MTHFD2L: variants seen among roughly 807,000 people sequenced by gnomAD.
MTHFD2L encodes the protein methylenetetrahydrofolate dehydrogenase (NADP+ dependent) 2 like.
MTHFD2L carries 29 observed loss-of-function variants against 34.9 expected under a neutral mutation model. That is an observed-to-expected ratio of 0.83 (90% confidence interval 0.62 to 1.13). The LOEUF is 1.13. MTHFD2L is among the 50% of genes most tolerant of loss of function. The pLI is 0.00. For missense variants in MTHFD2L, 481 were observed against 446.5 expected (o/e 1.08, Z -0.70); for synonymous variants, 167 against 155.7 (o/e 1.07, Z -0.54).
intron 6 of MTHFD2L, among the ~76,000 whole-genome samples, chr4:74,254,922 G>A (rs1307853147): frequency 1.3e-5 from 2 of 151,886 alleles, no homozygotes. Flanking sequence ...ATCACCTGAG[G>A]GCAGGAGTTC....
chr4:74,259,991 A>T (rs1235094074), intron 6 of MTHFD2L, among the ~76,000 whole-genome samples: 1 of 152,184 alleles, frequency 6.6e-6, no homozygotes, highest in Non-Finnish European at 1.5e-5. Context: ...CTAGAGGAGT[A>T]TGATGAGCCT....
intron 1 of MTHFD2L, among the ~76,000 whole-genome samples, chr4:74,149,502 G>A (rs1723802571): frequency 6.6e-6 from 1 of 152,196 alleles, no homozygotes; most frequent in African/African-American, 2.4e-5. Context: ...ACTGCATCCA[G>A]CTCAATATCA....
intron 3 of MTHFD2L, among the ~76,000 whole-genome samples, chr4:74,189,418 C>T (rs1732027681): frequency 6.7e-6 from 1 of 150,146 alleles, no homozygotes; most frequent in South Asian, 2.1e-4. Flanking sequence ...AAAGTGAAGA[C>T]CACTCTCTTG....
At chr4:74,281,659 A>C (rs538362767) in intron 7 of MTHFD2L, 109 bp downstream of exon 7, 647 of 1,083,224 alleles carry the variant, frequency 6.0e-4, no homozygotes, top group Non-Finnish European at 7.2e-4. Context: ...CTTATTAATC[A>C]TCACCTCTTT....
intron 1 of MTHFD2L, among the ~76,000 whole-genome samples, chr4:74,169,334 A>G (rs560214609): frequency 6.6e-6 from 1 of 152,314 alleles, no homozygotes; most frequent in Non-Finnish European, 1.5e-5. Context: ...GACAATCTCC[A>G]GGTCACGCAG....
intron 6 of MTHFD2L, among the ~76,000 whole-genome samples, chr4:74,268,771 G>T (rs978023072): frequency 6.6e-6 from 1 of 152,074 alleles, no homozygotes; most frequent in African/African-American, 2.4e-5. Context: ...AAAATATCCA[G>T]TTGCGGCTGT....
chr4:74,158,172 C>T lies in MTHFD2L; in HGVS notation c.34C>T (p.Arg12Cys), dbSNP rs1724552920. Residue 12 changes from arginine to cysteine, a missense_variant, in exon 1 of 8, where the codon CGC becomes TGC. By Grantham distance (180) the Arg-to-Cys change is radical (BLOSUM62 -3). Coordinates refer to ENST00000325278, the MANE Select transcript of MTHFD2L (RefSeq NM_001144978.3). ...TVPVRGFSLL[R>C]GRLGRAPALG... ...GCCGGTCCGCGGCTTCTCGCTGCTCCGCGGCCGCCTTGGCCGAGCGCCGGC... is the reference window on the plus strand; with the variant it reads ...GCCGGTCCGCGGCTTCTCGCTGCTCTGCGGCCGCCTTGGCCGAGCGCCGGC... 1.3e-6 allele frequency: 2 copies of T among 1,528,590 alleles called. No individual in the cohort carries two copies. The highest frequency in any genetic ancestry group is 4.1e-5 in the Admixed American group (2 of 48,928). The allele number at this position is 1,528,590 out of a possible 1,614,324, so 94.7% of individuals were successfully genotyped here. A position where few individuals can be genotyped will look rare whatever the true frequency, so the allele number is the denominator to read the frequency against.
chr4:74,271,064 A>G (rs1462025735), intron 6 of MTHFD2L, among the ~76,000 whole-genome samples: 2 of 152,040 alleles, frequency 1.3e-5, no homozygotes, highest in Non-Finnish European at 2.9e-5. Context: ...GTAGATTCTG[A>G]ATATTAGCCC....
chr4:74,202,182 C>G (rs1320452106), intron 5 of MTHFD2L, among the ~76,000 whole-genome samples: 2 of 152,186 alleles, frequency 1.3e-5, no homozygotes, highest in Non-Finnish European at 2.9e-5. Context: ...GATTAATTGA[C>G]AAAGGCTTGG....
intron 5 of MTHFD2L, among the ~76,000 whole-genome samples, chr4:74,216,335 A>G (rs1274424999): frequency 6.6e-6 from 1 of 151,820 alleles, no homozygotes; most frequent in East Asian, 1.9e-4. Context: ...AGGCTTTAAA[A>G]ATAGAGCTAC....
chr4:74,120,571 T>G (rs1278645845), upstream of MTHFD2L, among the ~76,000 whole-genome samples: 2 of 152,220 alleles, frequency 1.3e-5, no homozygotes, highest in Non-Finnish European at 2.9e-5. Context: ...CACTTCTGAA[T>G]GTAACTCTTC....
intron 5 of MTHFD2L, 27 bp downstream of exon 5, chr4:74,201,397 C>T (rs754751271): frequency 6.7e-7 from 1 of 1,496,704 alleles, no homozygotes; most frequent in South Asian, 1.2e-5. Context: ...AGATTCTACA[C>T]TCTCTCGCAG....
intron 1 of MTHFD2L, among the ~76,000 whole-genome samples, chr4:74,135,680 A>G (rs1251311566): frequency 8.7e-6 from 1 of 114,540 alleles, no homozygotes; most frequent in Non-Finnish European, 1.8e-5. Flanking sequence ...TGATACCAAA[A>G]CCAGACAAGG....
At chr4:74,276,312 G>A (rs139359048) in intron 6 of MTHFD2L, among the ~76,000 whole-genome samples, 54 of 152,192 alleles carry the variant, frequency 3.5e-4, no homozygotes, top group African/African-American at 1.3e-3. Context: ...AAGTTATGTA[G>A]ATGAGGACAG....
intron 6 of MTHFD2L, among the ~76,000 whole-genome samples, chr4:74,259,978 C>G (rs953250076): frequency 3.9e-5 from 6 of 152,116 alleles, no homozygotes; most frequent in African/African-American, 1.4e-4. Flanking sequence ...AAGATAAAGC[C>G]ACCTAGAGGA....
At chr4:74,299,800 ATG>A (rs1174628232) in intron 7 of MTHFD2L, among the ~76,000 whole-genome samples, 1 of 152,040 alleles carries the variant, frequency 6.6e-6, no homozygotes, top group African/African-American at 2.4e-5. Flanking sequence ...CTAGATGCTG[ATG>A]TCTAGTTAAG....
chr4:74,143,555 G>A (rs773696745), intron 1 of MTHFD2L: 1 of 407,910 alleles, frequency 2.5e-6, no homozygotes, highest in Non-Finnish European at 3.3e-6. Flanking sequence ...AGCCAAAGCA[G>A]CTCCATTTTC....
chr4:74,254,153 C>A (rs887278080), intron 6 of MTHFD2L, among the ~76,000 whole-genome samples: 12 of 152,054 alleles, frequency 7.9e-5, no homozygotes, highest in African/African-American at 2.9e-4. Flanking sequence ...CAGACAACTT[C>A]TAAAATCTGC....
At chr4:74,261,001 AAAAT>A (rs1240626138) in intron 6 of MTHFD2L, among the ~76,000 whole-genome samples, 1 of 134,796 alleles carries the variant, frequency 7.4e-6, no homozygotes, top group Non-Finnish European at 1.6e-5. Flanking sequence ...GTATCAACTG[AAAAT>A]AAATAGAAAA....
Sources: gnomAD v4.1 joint callset for allele counts (sites outside exome capture counted in the v4.1 genomes callset) on GRCh38, gnomAD v4.1.1 for gene constraint, MANE v1.5 for transcripts, NCBI Gene and HGNC (gene_info 2026-07-23, HGNC 2026-07-21) for gene names.